Variants in BAZ2A observed in about 807,000 individuals in gnomAD.
BAZ2A encodes bromodomain adjacent to zinc finger domain protein 2A.
In BAZ2A, 34 loss-of-function variants were observed where a neutral mutation model predicts 199.9. That is an observed-to-expected ratio of 0.17 (90% confidence interval 0.13 to 0.23). The LOEUF (loss-of-function observed/expected upper bound fraction) is 0.23, where lower values mean the gene tolerates loss of function less well. Ranked by LOEUF, BAZ2A falls within the 10% of genes least tolerant of loss-of-function variation. The pLI is 1.00. For missense variants in BAZ2A, 2,002 were observed against 2,391.1 expected (o/e 0.84, Z 3.39); for synonymous variants, 857 against 883.9 (o/e 0.97, Z 0.54).
chr12:56,602,324 G>C, intron 19 of BAZ2A, 132 bp from the exon 20 acceptor site: 1 of 783,614 alleles, frequency 1.3e-6, no homozygotes, highest in Non-Finnish European at 2.0e-6. Flanking sequence ...CCACTGGGAA[G>C]AGCTTATATG....
At chr12:56,607,676 A>G (rs1197981645) in intron 10 of BAZ2A, among the ~76,000 whole-genome samples, 1 of 152,154 alleles carries the variant, frequency 6.6e-6, no homozygotes, top group East Asian at 1.9e-4. Flanking sequence ...TGGCCCTGAC[A>G]TGACAATATT....
At chr12:56,622,497 C>A (rs757834569) in intron 1 of BAZ2A, among the ~76,000 whole-genome samples, 1 of 152,116 alleles carries the variant, frequency 6.6e-6, no homozygotes, top group Non-Finnish European at 1.5e-5. Context: ...TATGGGAATA[C>A]GAAAAACATG....
At chr12:56,617,883 A>T (rs1344425923) in intron 1 of BAZ2A, among the ~76,000 whole-genome samples, 2 of 152,190 alleles carry the variant, frequency 1.3e-5, no homozygotes, top group African/African-American at 4.8e-5. Context: ...TGTACCACTT[A>T]ACATTCTCCA....
At chr12:56,617,616 C>A in intron 1 of BAZ2A, 84 bp from the exon 2 acceptor site, 1 of 1,412,102 alleles carries the variant, frequency 7.1e-7, no homozygotes, top group South Asian at 1.4e-5. Flanking sequence ...GGCAATGACC[C>A]CTCCCCTCCA....
At chr12:56,618,159 CT>C (rs932653290) in intron 1 of BAZ2A, among the ~76,000 whole-genome samples, 2 of 152,118 alleles carry the variant, frequency 1.3e-5, no homozygotes, top group African/African-American at 4.8e-5. Context: ...AATACTTCTA[CT>C]CTTTATGCTC....
intron 1 of BAZ2A, among the ~76,000 whole-genome samples, chr12:56,620,559 T>C (rs1459206196): frequency 7.6e-6 from 1 of 131,582 alleles, no homozygotes; most frequent in Admixed American, 7.2e-5. Flanking sequence ...TCCTCCAGGA[T>C]TTCCTTTTTT....
At chr12:56,620,503 AAAAACAAAAC>A (rs1160114543) in intron 1 of BAZ2A, among the ~76,000 whole-genome samples, 1 of 151,926 alleles carries the variant, frequency 6.6e-6, no homozygotes, top group African/African-American at 2.4e-5. Flanking sequence ...CCTGTCTCAA[AAAAACAAAAC>A]AAAACAAAAC....
intron 1 of BAZ2A, among the ~76,000 whole-genome samples, chr12:56,626,899 G>C (rs1002506909): frequency 6.6e-6 from 1 of 152,258 alleles, no homozygotes; most frequent in East Asian, 1.9e-4. Flanking sequence ...CAACTTAAAG[G>C]AACTAATCAG....
rs777759132 is a variant in BAZ2A at position 56,599,316 on chromosome 12, G to C, written c.5215C>G (p.Arg1739Gly). The C allele has an allele frequency of 6.2e-7, 1 of 1,613,510 alleles. No individual in the cohort carries two copies. The stretch of plus-strand genomic sequence containing the variant: ...TAACCACTTTTCCGCTTCTGGCCAC[G>C]CTTTGGGAAACCAGGCTTCTGAGTG... ...EFTQKPGFPKRGQKRKSGYSL... is the reference protein window; with the variant it reads ...EFTQKPGFPKGGQKRKSGYSL... Residue 1739 changes from arginine (R) to glycine (G), a missense_variant, in exon 27 of 29, where the codon CGT becomes GGT. Arg to Gly is a moderately radical substitution (Grantham distance 125). Coordinates refer to ENST00000549884, the MANE Select transcript of BAZ2A (RefSeq NM_001300905.2).
intron 1 of BAZ2A, among the ~76,000 whole-genome samples, chr12:56,621,947 C>T (rs1950933368): frequency 6.6e-6 from 1 of 152,108 alleles, no homozygotes; most frequent in South Asian, 2.1e-4. Flanking sequence ...ACCTTGACCT[C>T]CCAAAGTGCT....
rs547488268 is a variant in BAZ2A, at chr12:56,606,211, C to T, written c.2259+36G>A. On this transcript the variant is annotated intron_variant, in intron 12 of 28. Coordinates refer to ENST00000549884, the MANE Select transcript of BAZ2A (RefSeq NM_001300905.2). ...TCCTGCAAAATCAGTTTAGTGGCTTCGAAATTATACTTGGCAAGTTTGTAC... is the reference window on the plus strand; with the variant it reads ...TCCTGCAAAATCAGTTTAGTGGCTTTGAAATTATACTTGGCAAGTTTGTAC... The T allele has an allele frequency of 4.1e-5, 66 of 1,612,884 alleles. No homozygotes were observed. In the Middle Eastern group the frequency reaches 5.0e-4, roughly 12 times the overall value.
At chr12:56,602,591 T>C in intron 19 of BAZ2A, 122 bp downstream of exon 19, 1 of 1,318,732 alleles carries the variant, frequency 7.6e-7, no homozygotes. Context: ...CTAAAATCTG[T>C]GCTCTTAACC....
In BAZ2A at chr12:56,603,613, A is replaced by C; in HGVS notation, c.3126T>G (p.Ser1042=). ...PEECLGRRRS[S]RIMEETSGME... ...TGCCACTGGTCTCCTCCATGATCCG[A>C]GAACTGCGCCTCCGTCCCAGGCATT... Residue 1042 remains serine, a synonymous_variant, in exon 17 of 29, where the codon TCT becomes TCG. Transcript: ENST00000549884. 6.2e-7 allele frequency: 1 copy of C among 1,614,014 alleles called. No individual in the cohort carries two copies. Among genetic ancestry groups the C allele is most frequent in the African/African-American group, 1.3e-5 (1 of 75,036 alleles).
At chr12:56,627,825 C>CAAAA (rs547754562) in intron 1 of BAZ2A, among the ~76,000 whole-genome samples, 3 of 58,122 alleles carry the variant, frequency 5.2e-5, no homozygotes, top group Non-Finnish European at 3.4e-5. Flanking sequence ...GACCCTGTCT[C>CAAAA]AAAAAAAAAA....
chr12:56,610,488 C>T lies in BAZ2A; in HGVS notation c.1700G>A (p.Gly567Asp). The T allele has an allele frequency of 1.2e-6, 2 of 1,613,370 alleles. No individual in the cohort carries two copies. The highest frequency in any genetic ancestry group is 1.1e-5 in the South Asian group (1 of 90,924). The change falls in exon 8 of 29, where the codon GGC becomes GAC. Residue 567 changes from glycine to aspartate, a missense_variant. By Grantham distance (94) the Gly-to-Asp change is moderately conservative. This residue lies in a region of BAZ2A where 641 missense variants were observed against 694.5 expected (regional missense o/e 0.92). Transcript: ENST00000549884. The part of the protein sequence containing the change: ...GWRREVRIKK[G>D]SHRWQGETWY... The stretch of plus-strand genomic sequence containing the variant: ...GGTCTCCCCCTGCCATCGGTGGCTG[C>T]CCTTCTTGATGCGCACCTCTCTCCG...
chr12:56,625,643 C>T (rs896109027), intron 1 of BAZ2A, among the ~76,000 whole-genome samples: 6 of 151,642 alleles, frequency 4.0e-5, no homozygotes, highest in Non-Finnish European at 8.8e-5. Context: ...TTTGGGAGGC[C>T]GAGACGGGCG....
In BAZ2A at chr12:56,613,992, T is replaced by C; in HGVS notation, c.877A>G (p.Ser293Gly). 6.2e-7 allele frequency: 1 copy of C among 1,613,966 alleles called. No individual in the cohort carries two copies. The change falls in exon 4 of 29, where the codon AGT (serine) becomes GGT (glycine). Residue 293 changes from serine (S) to glycine (G), a missense_variant. This residue lies in a region of BAZ2A where 641 missense variants were observed against 694.5 expected (regional missense o/e 0.92). Transcript: ENST00000549884. Reference sequence around the variant, plus strand: ...TTGAAGGGCTCCAGAGAGTCTTCACTGAGGATTGGAGTGTCTTCCAGTTGA... The same window carrying C: ...TTGAAGGGCTCCAGAGAGTCTTCACCGAGGATTGGAGTGTCTTCCAGTTGA... ...PDQLEDTPIL[S>G]EDSLEPFNSL...
intron 10 of BAZ2A, among the ~76,000 whole-genome samples, chr12:56,607,374 C>CAT (rs34003057): frequency 1.3e-5 from 2 of 152,018 alleles, no homozygotes; most frequent in African/African-American, 2.4e-5. Context: ...ACTATATATA[C>CAT]ATATATATAT....
rs374947708 is a variant in BAZ2A, at chr12:56,601,837, A to T, written c.3780T>A (p.His1260Gln). Residue 1260 changes from histidine to glutamine, a missense_variant, in exon 20 of 29, where the codon CAT (histidine) becomes CAA (glutamine). By Grantham distance (24) the His-to-Gln change is conservative (BLOSUM62 0). Transcript: ENST00000549884. ...GSPLSLGQSQ[H>Q]DLSQSAFLSW... The stretch of plus-strand genomic sequence containing the variant: ...ACAGGAAGGCTGACTGGCTGAGGTC[A>T]TGCTGGCTCTGACCCAGTGACAAAG... The T allele has an allele frequency of 1.9e-6, 3 of 1,614,002 alleles. No homozygotes were observed. The highest frequency in any genetic ancestry group is 2.5e-6 in the Non-Finnish European group (3 of 1,179,886).
Sources: allele counts gnomAD v4.1 joint callset (sites outside exome capture counted in the v4.1 genomes callset), GRCh38; gene constraint gnomAD v4.1.1; regional missense constraint gnomAD v4.1.1; transcripts MANE v1.5; gene names NCBI Gene and HGNC (gene_info 2026-07-23, HGNC 2026-07-21).